Variants in DNAH7 observed in about 807,000 individuals in gnomAD.
DNAH7 encodes axonemal beta dynein heavy chain 7.
DNAH7 carries 397 observed loss-of-function variants against 444.6 expected under a neutral mutation model. The ratio of observed to expected loss-of-function variants is 0.89; its 90% CI spans 0.82 to 0.97. DNAH7 has a LOEUF of 0.97. DNAH7 is among the 50% of genes least tolerant of loss of function. The pLI is 0.00. For missense variants in DNAH7, 4,902 were observed against 4,800.8 expected (o/e 1.02, Z -0.62); for synonymous variants, 1,636 against 1,624.4 (o/e 1.01, Z -0.17).
intron 5 of DNAH7, among the ~76,000 whole-genome samples, chr2:196,032,557 G>C (rs1355099366): frequency 6.6e-6 from 1 of 152,040 alleles, no homozygotes; most frequent in Non-Finnish European, 1.5e-5. Flanking sequence ...AGGCAAAAAA[G>C]GATCAAATAT....
At position 195,999,245 on chromosome 2, in the gene DNAH7, G is replaced by GTA. The variant is rs1211206142; in HGVS notation, c.1353+1457_1353+1458dup. ...TGTCCTGGTTTTGCTTTGTTTCTCT[G>GTA]TAGAGGAAAAAAACAAAAGATGGTT... On this transcript the variant is annotated intron_variant, in intron 12 of 64. Coordinates refer to ENST00000312428, the MANE Select transcript of DNAH7 (RefSeq NM_018897.3). 10 of 714,662 alleles carry GTA rather than the reference G, an allele frequency of 1.4e-5. No individual in the cohort carries two copies. In the East Asian group the frequency reaches 2.7e-4, roughly 19 times the overall value. 44.3% of individuals were successfully genotyped at this position (714,662 alleles called of 1,614,324 possible).
chr2:195,866,156 T>C (rs1333283441), intron 40 of DNAH7, among the ~76,000 whole-genome samples: 2 of 152,150 alleles, frequency 1.3e-5, no homozygotes, highest in African/African-American at 4.8e-5. Context: ...ACCTATAAAA[T>C]AGAAGTAGTA....
intron 48 of DNAH7, among the ~76,000 whole-genome samples, chr2:195,828,563 C>T (rs868639237): frequency 6.0e-5 from 9 of 149,220 alleles, no homozygotes; most frequent in South Asian, 4.2e-4. Flanking sequence ...CCAGCCTGGG[C>T]GACAGAGCAA....
intron 38 of DNAH7, among the ~76,000 whole-genome samples, chr2:195,874,383 A>C (rs1432155417): frequency 6.6e-6 from 1 of 152,166 alleles, no homozygotes; most frequent in Non-Finnish European, 1.5e-5. Context: ...TCTGTCTCCA[A>C]CCCTTCCAGA....
At chr2:195,811,290 T>G (rs1458550649) in intron 51 of DNAH7, among the ~76,000 whole-genome samples, 3 of 152,204 alleles carry the variant, frequency 2.0e-5, no homozygotes, top group African/African-American at 7.2e-5. Context: ...TAATCAAAGA[T>G]GCAGACACTT....
chr2:196,048,568 T>C (rs749406661), intron 3 of DNAH7, among the ~76,000 whole-genome samples, 164 bp from the exon 4 acceptor site: 5 of 152,230 alleles, frequency 3.3e-5, no homozygotes, highest in African/African-American at 4.8e-5. Context: ...TGAATGGTCA[T>C]GGTGTGCACC....
chr2:195,802,916 A>T (rs895579795), intron 54 of DNAH7, among the ~76,000 whole-genome samples: 2 of 152,148 alleles, frequency 1.3e-5, no homozygotes, highest in African/African-American at 2.4e-5. Flanking sequence ...CCAGATATAC[A>T]CATTATTTAG....
chr2:195,762,867 A>G (rs1464249846), intron 61 of DNAH7, among the ~76,000 whole-genome samples: 1 of 152,136 alleles, frequency 6.6e-6, no homozygotes, highest in Non-Finnish European at 1.5e-5. Flanking sequence ...ACTGCACCGC[A>G]GACCAAATGG....
At chr2:195,756,691 T>A (rs746975991) in intron 61 of DNAH7, among the ~76,000 whole-genome samples, 1 of 152,038 alleles carries the variant, frequency 6.6e-6, no homozygotes, top group Non-Finnish European at 1.5e-5. Flanking sequence ...TTTTTTACTT[T>A]AAAAATTTTT....
chr2:195,994,912 C>A, intron 12 of DNAH7: 1 of 330,532 alleles, frequency 3.0e-6, no homozygotes. Flanking sequence ...CTCAGACAGA[C>A]TGTAGCCCAC....
intron 58 of DNAH7, among the ~76,000 whole-genome samples, chr2:195,784,655 T>G (rs1474044721): frequency 1.3e-5 from 2 of 152,170 alleles, no homozygotes; most frequent in Non-Finnish European, 2.9e-5. Flanking sequence ...GGATGTTTAG[T>G]TTTATAAGAA....
At chr2:196,038,805 T>C (rs1227876905) in intron 5 of DNAH7, among the ~76,000 whole-genome samples, 2 of 152,176 alleles carry the variant, frequency 1.3e-5, no homozygotes, top group Non-Finnish European at 2.9e-5. Context: ...CATTATATAA[T>C]GAAAAGGGAT....
intron 40 of DNAH7, among the ~76,000 whole-genome samples, chr2:195,865,293 G>A (rs1700264948): frequency 6.6e-6 from 1 of 152,184 alleles, no homozygotes; most frequent in African/African-American, 2.4e-5. Context: ...GAGATGCTAA[G>A]AGAATTAAGG....
chr2:195,916,431 C>A (rs1035410976), intron 24 of DNAH7, among the ~76,000 whole-genome samples: 4 of 150,288 alleles, frequency 2.7e-5, no homozygotes, highest in Non-Finnish European at 5.9e-5. Flanking sequence ...GGAGAGGGCT[C>A]CTCCCACCCC....
chr2:195,934,167 AT>A (rs1688890516), intron 21 of DNAH7, among the ~76,000 whole-genome samples: 1 of 152,200 alleles, frequency 6.6e-6, no homozygotes, highest in Non-Finnish European at 1.5e-5. Context: ...AGCATACATT[AT>A]TTTCTAACAT....
At chr2:195,809,008 G>A in intron 52 of DNAH7, 132 bp from the exon 53 acceptor site, 1 of 699,464 alleles carries the variant, frequency 1.4e-6, no homozygotes, top group Non-Finnish European at 2.3e-6. Flanking sequence ...TCTATAGCTA[G>A]TGTTATAGCT....
chr2:195,787,442 C>T (rs770712369), intron 57 of DNAH7, among the ~76,000 whole-genome samples: 1 of 152,064 alleles, frequency 6.6e-6, no homozygotes, highest in Non-Finnish European at 1.5e-5. Flanking sequence ...CTTAATGCTG[C>T]GTTACAGATT....
At chr2:195,875,643 C>T in intron 38 of DNAH7, 32 bp downstream of exon 38, 2 of 1,522,956 alleles carry the variant, frequency 1.3e-6, no homozygotes, top group East Asian at 2.3e-5. Context: ...GAGATTTTTC[C>T]ATCTTAGTAA....
chr2:196,064,367 A>G (rs1417557362), intron 1 of DNAH7, among the ~76,000 whole-genome samples: 1 of 150,158 alleles, frequency 6.7e-6, no homozygotes, highest in Non-Finnish European at 1.5e-5. Flanking sequence ...ATAAATAAAT[A>G]ATAAAAAGAA....
Sources: allele counts gnomAD v4.1 joint callset (sites outside exome capture counted in the v4.1 genomes callset), GRCh38; gene constraint gnomAD v4.1.1; transcripts MANE v1.5; gene names NCBI Gene and HGNC (gene_info 2026-07-23, HGNC 2026-07-21).